The following PPM1H variants were observed in gnomAD, a reference collection of about 807,000 sequenced individuals.
PPM1H encodes protein phosphatase, Mg2+/Mn2+ dependent 1H, also known as protein phosphatase 1H.
A neutral mutation model predicts 54.9 loss-of-function variants in PPM1H; 27 were observed. That is an observed-to-expected ratio of 0.49 (90% CI 0.36 to 0.68). The LOEUF (loss-of-function observed/expected upper bound fraction) is 0.68, where lower values mean the gene tolerates loss of function less well. PPM1H is among the 30% of genes least tolerant of loss of function. PPM1H has a pLI of 0.00. For missense variants in PPM1H, 596 were observed against 667.8 expected (o/e 0.89, Z 1.19); for synonymous variants, 305 against 270.8 (o/e 1.13, Z -1.24).
intron 5 of PPM1H, among the ~76,000 whole-genome samples, chr12:62,733,219 A>C (rs1833245066): frequency 6.6e-6 from 1 of 151,484 alleles, no homozygotes; most frequent in Non-Finnish European, 1.5e-5. Context: ...TCCACATCAC[A>C]CTCCTATTTT....
chr12:62,857,930 T>C (rs1424991226), intron 1 of PPM1H, among the ~76,000 whole-genome samples: 1 of 152,208 alleles, frequency 6.6e-6, no homozygotes, highest in African/African-American at 2.4e-5. Flanking sequence ...TATATTTTTA[T>C]ATGATAATTA....
chr12:62,819,157 G>C (rs2076887535), intron 2 of PPM1H, among the ~76,000 whole-genome samples: 1 of 119,538 alleles, frequency 8.4e-6, no homozygotes, highest in Non-Finnish European at 1.7e-5. Flanking sequence ...TTGAGATGGA[G>C]TCTCACTCTG....
chr12:62,875,378 A>T, intron 1 of PPM1H, among the ~76,000 whole-genome samples: 1 of 152,206 alleles, frequency 6.6e-6, no homozygotes, highest in East Asian at 1.9e-4. Context: ...AGGTCACACT[A>T]AACCTTAGGA....
intron 1 of PPM1H, among the ~76,000 whole-genome samples, chr12:62,888,717 T>A (rs908739407): frequency 7.2e-5 from 11 of 152,112 alleles, no homozygotes; most frequent in African/African-American, 2.4e-4. Context: ...GAAGTCTGGA[T>A]AAGGGTCGGG....
At chr12:62,861,223 C>G (rs1291724260) in intron 1 of PPM1H, among the ~76,000 whole-genome samples, 1 of 152,218 alleles carries the variant, frequency 6.6e-6, no homozygotes, top group African/African-American at 2.4e-5. Flanking sequence ...GCTACCATAA[C>G]CACCTTCCTT....
chr12:62,770,584 T>C (rs2076573064), intron 4 of PPM1H, among the ~76,000 whole-genome samples: 1 of 152,088 alleles, frequency 6.6e-6, no homozygotes, highest in Admixed American at 6.5e-5. Context: ...ATTGAGAAAT[T>C]GGTGCAGTCC....
intron 1 of PPM1H, among the ~76,000 whole-genome samples, chr12:62,929,445 A>G (rs544901119): frequency 6.6e-6 from 1 of 152,358 alleles, no homozygotes; most frequent in African/African-American, 2.4e-5. Context: ...AAACATTGAG[A>G]ATTAAAAATA....
At chr12:62,670,675 G>A (rs1345446027) in intron 8 of PPM1H, among the ~76,000 whole-genome samples, 1 of 152,132 alleles carries the variant, frequency 6.6e-6, no homozygotes, top group African/African-American at 2.4e-5. Flanking sequence ...ATCAATAAAT[G>A]TAATCTTTCC....
intron 1 of PPM1H, among the ~76,000 whole-genome samples, chr12:62,930,632 C>T (rs932449121): frequency 6.6e-6 from 1 of 151,592 alleles, no homozygotes; most frequent in African/African-American, 2.4e-5. Context: ...GGTTCCCAAC[C>T]CATTATAAAA....
At chr12:62,839,138 T>C (rs1004413357) in intron 1 of PPM1H, among the ~76,000 whole-genome samples, 9 of 152,218 alleles carry the variant, frequency 5.9e-5, no homozygotes, top group Middle Eastern at 6.8e-3. Context: ...TGTGGTAGTG[T>C]GGCTGGGCAG....
At chr12:62,740,466 T>C (rs2076375071) in intron 4 of PPM1H, among the ~76,000 whole-genome samples, 1 of 152,238 alleles carries the variant, frequency 6.6e-6, no homozygotes, top group Admixed American at 6.5e-5. Flanking sequence ...ACTAGGATTC[T>C]GTCTCAGTAT....
intron 9 of PPM1H, among the ~76,000 whole-genome samples, chr12:62,654,374 G>A (rs2136596795): frequency 6.6e-6 from 1 of 152,204 alleles, no homozygotes; most frequent in East Asian, 1.9e-4. Flanking sequence ...CAACAGATAA[G>A]GGAAAAACAA....
chr12:62,872,257 A>C (rs970337706), intron 1 of PPM1H, among the ~76,000 whole-genome samples: 1 of 152,228 alleles, frequency 6.6e-6, no homozygotes, highest in Non-Finnish European at 1.5e-5. Context: ...AGAGTACAAC[A>C]GTGGTGTTCT....
intron 1 of PPM1H, among the ~76,000 whole-genome samples, chr12:62,907,616 G>C (rs1295430675): frequency 6.6e-6 from 1 of 151,532 alleles, no homozygotes; most frequent in Non-Finnish European, 1.5e-5. Context: ...AGTCTCCTTT[G>C]TTTATCCAGT....
intron 2 of PPM1H, among the ~76,000 whole-genome samples, chr12:62,814,106 G>T (rs918858613): frequency 1.3e-5 from 2 of 151,964 alleles, no homozygotes; most frequent in African/African-American, 2.4e-5. Context: ...AAGAGACAAG[G>T]TCTTGCTCTG....
At chr12:62,899,072 C>T (rs1040814565) in intron 1 of PPM1H, among the ~76,000 whole-genome samples, 22 of 152,120 alleles carry the variant, frequency 1.4e-4, no homozygotes, top group African/African-American at 4.3e-4. Context: ...AACAGTAATA[C>T]GTGTTATTAC....
chr12:62,692,932 G>GACACACACAC (rs71278272), intron 7 of PPM1H, among the ~76,000 whole-genome samples: 10,498 of 146,686 alleles, frequency 0.072, 453 homozygotes, highest in East Asian at 0.16. Flanking sequence ...CTTTTGCTCT[G>GACACACACAC]ACACACACAC....
At chr12:62,700,501 A>ATTG (rs2076138329) in intron 6 of PPM1H, among the ~76,000 whole-genome samples, 1 of 152,192 alleles carries the variant, frequency 6.6e-6, no homozygotes, top group South Asian at 2.1e-4. Context: ...CACAACAAGG[A>ATTG]TTGAGTATTT....
chr12:62,715,419 G>A (rs572249833), intron 6 of PPM1H, among the ~76,000 whole-genome samples: 1 of 151,956 alleles, frequency 6.6e-6, no homozygotes, highest in South Asian at 2.1e-4. Context: ...TGTAAATCTA[G>A]CCACTGTGCA....
Sources: allele counts gnomAD v4.1 joint callset (sites outside exome capture counted in the v4.1 genomes callset), GRCh38; gene constraint gnomAD v4.1.1; transcripts MANE v1.5; gene names NCBI Gene and HGNC (gene_info 2026-07-23, HGNC 2026-07-21).